MYH11: variants seen among roughly 807,000 people sequenced by gnomAD.
The protein encoded by MYH11 is myosin heavy chain 11.
In MYH11, 80 loss-of-function variants were observed where a neutral mutation model predicts 246.6. The observed-to-expected ratio is 0.32, with a 90% confidence interval of 0.27 to 0.39. The LOEUF is 0.39. MYH11 is among the 10% of genes least tolerant of loss of function. The probability of loss-of-function intolerance (pLI) is 1.00; values close to 1 mark genes in which losing one functional copy is unlikely to be tolerated. For missense variants in MYH11, 2,158 were observed against 2,546.8 expected (o/e 0.85, Z 3.29); for synonymous variants, 1,071 against 1,015.5 (o/e 1.05, Z -1.04).
At chr16:15,753,287 C>G (rs993528284) in intron 15 of MYH11, 107 bp downstream of exon 15, 1 of 950,584 alleles carries the variant, frequency 1.1e-6, no homozygotes, top group Non-Finnish European at 1.7e-6. Context: ...TTCCCCTGCC[C>G]CCATGTAAAG....
At chr16:15,835,683 A>C (rs74009455) in intron 2 of MYH11, among the ~76,000 whole-genome samples, 3,051 of 152,136 alleles carry the variant, frequency 0.02, 97 homozygotes, top group African/African-American at 0.069. Context: ...TGCACTTAAC[A>C]TGTAGCAGGA....
intron 5 of MYH11, among the ~76,000 whole-genome samples, chr16:15,783,812 G>T (rs997481022): frequency 2.0e-5 from 3 of 152,154 alleles, no homozygotes; most frequent in Admixed American, 6.5e-5. Flanking sequence ...TATAGATGAT[G>T]AAACCATAGC....
At chr16:15,782,825 A>T in intron 5 of MYH11, 1 of 334,632 alleles carries the variant, frequency 3.0e-6, no homozygotes, top group Non-Finnish European at 5.8e-6. Context: ...GGAGTTGTGC[A>T]GTGCACCACC....
At position 15,708,827 on chromosome 16, in the gene MYH11, T is replaced by C. The variant is rs761957202; in HGVS notation, c.5787-4704A>G. 8.7e-6 allele frequency: 14 copies of C among 1,610,028 alleles called. No homozygotes were observed. Among genetic ancestry groups the C allele is most frequent in the Non-Finnish European group, 1.1e-5 (13 of 1,178,560 alleles). On this transcript the variant is annotated intron_variant, in intron 40 of 40. Transcript: ENST00000300036. ...CCTGGTGCATCACTGCGAAGTTTCC[T>C]GTGGGGGGGGCCCTCTGAAACAGAG...
chr16:15,852,600 A>G (rs1407628566), intron 1 of MYH11, among the ~76,000 whole-genome samples: 3 of 152,008 alleles, frequency 2.0e-5, no homozygotes, highest in Non-Finnish European at 4.4e-5. Context: ...CGGCCTCCCA[A>G]AGTGCTGGGA....
rs756833213 is a variant in MYH11 at position 15,724,653 on chromosome 16, G to A, written c.4110C>T (p.Asn1370=). ...AAGGACACGGGGCAGGCACCTGGAT[G>A]TTGAGAGTGGAGATGTGGCGCTCCA... ...QNLERHISTL[N]IQLSDSKKKL... is the part of the protein sequence containing the mutation. Residue 1370 remains asparagine (N), a synonymous_variant, in exon 30 of 41, where the codon AAC becomes AAT. Coordinates refer to ENST00000300036, the MANE Select transcript of MYH11 (RefSeq NM_002474.3). The A allele has an allele frequency of 1.2e-6, 2 of 1,614,146 alleles. No homozygotes were observed. The highest frequency in any genetic ancestry group is 1.7e-5 in the Admixed American group (1 of 60,032).
At chr16:15,712,532 G>A (rs750380267) in intron 40 of MYH11, among the ~76,000 whole-genome samples, 1 of 152,024 alleles carries the variant, frequency 6.6e-6, no homozygotes, top group African/African-American at 2.4e-5. Context: ...GGAGGCAGAG[G>A]TTGCAGTGAG....
intron 6 of MYH11, 45 bp from the exon 7 acceptor site, chr16:15,778,888 G>C: frequency 1.3e-6 from 2 of 1,590,280 alleles, no homozygotes. Flanking sequence ...CCCAACTTCA[G>C]CCGTTAACCC....
Position 15,756,414 on chromosome 16 carries a change from C to G in MYH11, c.1676G>C (p.Ser559Thr), listed in dbSNP as rs752880484. ...CTTGGGCTTCTGGAACTTGGGGTGGCTGCCCTGCTCCGTGCACAGCTTCTC... is the reference window on the plus strand; with the variant it reads ...CTTGGGCTTCTGGAACTTGGGGTGGGTGCCCTGCTCCGTGCACAGCTTCTC... ...FVEKLCTEQG[S>T]HPKFQKPKQL... is the part of the protein sequence containing the mutation. Residue 559 changes from serine (S) to threonine (T), a missense_variant, in exon 14 of 41, where the codon AGC (serine) becomes ACC (threonine). Ser to Thr is a moderately conservative substitution (Grantham distance 58). Coordinates refer to ENST00000300036, the MANE Select transcript of MYH11 (RefSeq NM_002474.3). 6.2e-7 allele frequency: 1 copy of G among 1,614,194 alleles called. No homozygotes were observed. Among genetic ancestry groups the G allele is most frequent in the Non-Finnish European group, 8.5e-7 (1 of 1,180,050 alleles).
At chr16:15,746,727 T>A (rs115055048) in intron 19 of MYH11, among the ~76,000 whole-genome samples, 120 of 152,300 alleles carry the variant, frequency 7.9e-4, no homozygotes, top group African/African-American at 2.9e-3. Context: ...CCCTGCCTTA[T>A]AAATCCCACT....
At chr16:15,772,741 G>A (rs2042133595) in intron 8 of MYH11, among the ~76,000 whole-genome samples, 1 of 152,198 alleles carries the variant, frequency 6.6e-6, no homozygotes, top group South Asian at 2.1e-4. Flanking sequence ...CAGCAGGTGA[G>A]CAAGTGAAGC....
At chr16:15,824,539 C>T (rs1260801908) in intron 2 of MYH11, among the ~76,000 whole-genome samples, 1 of 152,162 alleles carries the variant, frequency 6.6e-6, no homozygotes, top group Non-Finnish European at 1.5e-5. Context: ...TCTCAGCCTC[C>T]CAAAGTGCTG....
chr16:15,725,236 GT>G (rs1398827756), intron 28 of MYH11: 1 of 601,270 alleles, frequency 1.7e-6, no homozygotes, highest in African/African-American at 1.9e-5. Context: ...AGACTCTGTG[GT>G]TCTAAGAACT....
chr16:15,753,652 C>T, intron 14 of MYH11, 144 bp from the exon 15 acceptor site: 1 of 724,258 alleles, frequency 1.4e-6, no homozygotes, highest in Admixed American at 2.0e-5. Flanking sequence ...GATGGGACTC[C>T]ACAAACACCA....
chr16:15,835,458 C>T lies in MYH11; in HGVS notation c.345+2450G>A, dbSNP rs901177460. On this transcript the variant is annotated intron_variant, in intron 2 of 40. Transcript: ENST00000300036. The stretch of plus-strand genomic sequence containing the variant: ...AACTCTCCAAGTGTTCCATAGTGAA[C>T]GTGTCTTAGTTTCCTAATTAGGAAA... 5.3e-5 allele frequency among the ~76,000 whole-genome samples: 8 copies of T among 152,130 alleles called. No individual in the cohort carries two copies. In the South Asian group the frequency reaches 1.0e-3, roughly 20 times the overall value.
chr16:15,784,374 TC>T (rs991406784), intron 5 of MYH11, among the ~76,000 whole-genome samples: 2 of 152,056 alleles, frequency 1.3e-5, no homozygotes, highest in African/African-American at 4.8e-5. Context: ...TCTAGGTTGT[TC>T]CAGTCAAGGG....
At chr16:15,823,520 C>T in intron 2 of MYH11, 109 bp from the exon 3 acceptor site, 1 of 1,392,544 alleles carries the variant, frequency 7.2e-7, no homozygotes, top group Admixed American at 1.7e-5. Flanking sequence ...AGCTTGGAGT[C>T]TTAGTGGAAA....
At chr16:15,807,031 T>G (rs1396236903) in intron 3 of MYH11, among the ~76,000 whole-genome samples, 3 of 152,112 alleles carry the variant, frequency 2.0e-5, no homozygotes, top group Non-Finnish European at 4.4e-5. Flanking sequence ...AGCACGATCA[T>G]AGCTAACTGC....
intron 1 of MYH11, 80 bp from the exon 2 acceptor site, chr16:15,838,349 T>C (rs1471855324): frequency 8.7e-7 from 1 of 1,148,590 alleles, no homozygotes; most frequent in African/African-American, 1.5e-5. Context: ...TTGCCCTGTC[T>C]AGGAACTCGG....
Sources: gnomAD v4.1 joint callset for allele counts (sites outside exome capture counted in the v4.1 genomes callset) on GRCh38, gnomAD v4.1.1 for gene constraint, MANE v1.5 for transcripts, NCBI Gene and HGNC (gene_info 2026-07-23, HGNC 2026-07-21) for gene names.